The following VSTM5 variants were observed in gnomAD, a reference collection of about 807,000 sequenced individuals.
The protein encoded by VSTM5 is V-set and transmembrane domain-containing protein 5.
In VSTM5, 21 loss-of-function variants were observed where a neutral mutation model predicts 20.3. That is an observed-to-expected ratio of 1.03 (90% CI 0.73 to 1.49). The LOEUF is 1.49. VSTM5 is among the 40% of genes most tolerant of loss of function. The pLI is 0.00. For synonymous variants in VSTM5, 100 were observed against 102.5 expected, an observed-to-expected ratio of 0.98 and a Z score of 0.14; for missense variants, 219 against 250.0, an observed-to-expected ratio of 0.88 and a Z score of 0.84.
rs962395541 is a variant in VSTM5, at chr11:93,820,766, C to T, written c.536G>A (p.Arg179Lys). The change falls in exon 3 of 4, where the codon AGG (arginine) becomes AAG (lysine). Residue 179 changes from arginine (R) to lysine (K), a missense_variant. Arg to Lys is a conservative substitution (Grantham distance 26). Transcript: ENST00000409977. ...ACCTTTGAGTTTGTGTCTTCTCTTCCTCTGAAATTTATATGCACACTTATT... is the reference window on the plus strand; with the variant it reads ...ACCTTTGAGTTTGTGTCTTCTCTTCTTCTGAAATTTATATGCACACTTATT... ...VCNKCAYKFQ[R>K]KRRHKLKEST... 1 of 1,551,680 alleles carries T rather than the reference C, an allele frequency of 6.4e-7. No individual in the cohort carries two copies.
chr11:93,833,440 A>G (rs61906576), intron 1 of VSTM5, among the ~76,000 whole-genome samples: 24,987 of 152,136 alleles, frequency 0.16, 2,417 homozygotes, highest in African/African-American at 0.27. Context: ...TTAGCTGGGC[A>G]TGGTGGCATG....
At position 93,820,603 on chromosome 11, in the gene VSTM5, G is replaced by A. The variant is rs778598121; in HGVS notation, c.569C>T (p.Thr190Ile). ...KRRHKLKEST[T>I]EEIELEDVEC ...AACATCTTCCAGCTCAATCTCCTCA[G>A]TTGTGCTTTCTGTAAAGCAAAGACA... is the stretch of plus-strand genomic sequence containing the variant. The change falls in exon 4 of 4, where the codon ACT becomes ATT. Residue 190 changes from threonine (T) to isoleucine (I), a missense_variant. Transcript: ENST00000409977. 1.3e-6 allele frequency: 2 copies of A among 1,551,872 alleles called. No individual in the cohort carries two copies. Among genetic ancestry groups the A allele is most frequent in the South Asian group, 2.4e-5 (2 of 84,060 alleles).
At chr11:93,846,914 C>T (rs1944416627) in intron 1 of VSTM5, among the ~76,000 whole-genome samples, 1 of 151,826 alleles carries the variant, frequency 6.6e-6, no homozygotes, top group East Asian at 1.9e-4. Context: ...CTACAGGCGC[C>T]TGCCACCACG....
chr11:93,822,120 CG>C (rs1944192118), intron 1 of VSTM5: 1 of 152,124 alleles, frequency 6.6e-6, no homozygotes, highest in South Asian at 2.1e-4. Context: ...CTCGCTCTGT[CG>C]CCCAGGCTGG....
In VSTM5 at chr11:93,820,615, G is replaced by A. The variant is rs1944172822; in HGVS notation, c.560-3C>T. On this transcript the variant is annotated splice_region_variant and splice_polypyrimidine_tract_variant and intron_variant, in intron 3 of 3. Coordinates refer to ENST00000409977, the MANE Select transcript of VSTM5 (RefSeq NM_001144871.2). ...CTCAATCTCCTCAGTTGTGCTTTCT[G>A]TAAAGCAAAGACAAGTCAATGAGTT... 1 of 1,551,700 alleles carries A rather than the reference G, an allele frequency of 6.4e-7. No homozygotes were observed. Among genetic ancestry groups the A allele is most frequent in the Admixed American group, 2.0e-5 (1 of 50,988 alleles).
Position 93,820,796 on chromosome 11 carries a change from AC to A in VSTM5, c.505del (p.Val169PhefsTer38). 1 of 1,551,414 alleles carries A rather than the reference AC, an allele frequency of 6.4e-7. No homozygotes were observed. The highest frequency in any genetic ancestry group is 8.7e-7 in the Non-Finnish European group (1 of 1,146,984). ...AAATTTATATGCACACTTATTACAA[AC>A]CCACATGAGGCTGATTAATACTGCG... Reference protein sequence around the residue: ...VAAVLISLMWVCNKCAYKFQR... With the variant: ...VAAVLISLMWXCNKCAYKFQR... On this transcript the variant is annotated frameshift_variant, in exon 3 of 4. Transcript: ENST00000409977. LOFTEE classifies it high-confidence loss of function.
intron 1 of VSTM5, among the ~76,000 whole-genome samples, chr11:93,822,433 A>G (rs1450161508): frequency 6.7e-6 from 1 of 150,146 alleles, no homozygotes; most frequent in Non-Finnish European, 1.5e-5. Context: ...ATAACGGAAG[A>G]GGAGGGATTT....
chr11:93,850,422 G>C lies in VSTM5; in HGVS notation c.81C>G (p.Arg27=), dbSNP rs1944449676. The C allele has an allele frequency of 1.3e-6, 2 of 1,548,656 alleles. No homozygotes were observed. Among genetic ancestry groups the C allele is most frequent in the Non-Finnish European group, 1.7e-6 (2 of 1,145,966 alleles). ...GLFALCLAAA[R]CLQSQGVSLY... is the part of the protein sequence containing the mutation. Reference sequence around the variant, plus strand: ...TCCCCCGGAGCTTACTCTGCAGACAGCGGGCTGCGGCCAGGCAGAGGGCGA... The same window carrying C: ...TCCCCCGGAGCTTACTCTGCAGACACCGGGCTGCGGCCAGGCAGAGGGCGA... Residue 27 remains arginine, a synonymous_variant, in exon 1 of 4, where the codon CGC becomes CGG. Coordinates refer to ENST00000409977, the MANE Select transcript of VSTM5 (RefSeq NM_001144871.2).
rs1213439004 is a variant in VSTM5, at chr11:93,821,323, C to A, written c.92G>T (p.Ser31Ile). The A allele has an allele frequency of 7.1e-6, 11 of 1,548,882 alleles. No individual in the cohort carries two copies. The Admixed American group carries it at 7.9e-5, about 11-fold the overall frequency. ...LCLAAARCLQ[S>I]QGVSLYIPQA... is the part of the protein sequence containing the mutation. Reference sequence around the variant, plus strand: ...AGGAATGTATAGGGACACACCCTGACCTGCAGGATGATATGCTGGATGTTG... The same window carrying A: ...AGGAATGTATAGGGACACACCCTGAACTGCAGGATGATATGCTGGATGTTG... The change falls in exon 2 of 4, where the codon AGT becomes ATT. Residue 31 changes from serine to isoleucine, a missense_variant and splice_region_variant. By Grantham distance (142) the Ser-to-Ile change is moderately radical. Transcript: ENST00000409977.
chr11:93,831,995 G>A (rs1944287119), intron 1 of VSTM5, among the ~76,000 whole-genome samples: 1 of 152,174 alleles, frequency 6.6e-6, no homozygotes, highest in Non-Finnish European at 1.5e-5. Context: ...GATGCAATCT[G>A]TAAAAATATT....
intron 1 of VSTM5, among the ~76,000 whole-genome samples, chr11:93,826,615 G>A (rs1237890834): frequency 1.3e-5 from 2 of 151,906 alleles, no homozygotes; most frequent in East Asian, 3.9e-4. Flanking sequence ...TAGCCAGGAT[G>A]GTCTCGATCT....
At chr11:93,832,551 A>G (rs201005334) in intron 1 of VSTM5, among the ~76,000 whole-genome samples, 5 of 9,512 alleles carry the variant, frequency 5.3e-4, no homozygotes, top group South Asian at 8.6e-3. Context: ...TACTTAAAAA[A>G]TAATACACTG....
At chr11:93,822,734 C>A (rs1944199276) in intron 1 of VSTM5, among the ~76,000 whole-genome samples, 1 of 151,758 alleles carries the variant, frequency 6.6e-6, no homozygotes, top group South Asian at 2.1e-4. Context: ...AATTGATCTG[C>A]CTTCTCGGCC....
chr11:93,819,262 T>C lies in VSTM5; in HGVS notation c.*1307A>G, dbSNP rs190860584. On this transcript the variant is annotated 3_prime_UTR_variant, in exon 4 of 4. Coordinates refer to ENST00000409977, the MANE Select transcript of VSTM5 (RefSeq NM_001144871.2). The stretch of plus-strand genomic sequence containing the variant: ...TCATCATCGGATGGTACCTTTGGTC[T>C]GTAGCTATGAATATTGGAGAGATAA... The C allele has an allele frequency of 2.5e-4, 38 of 152,374 alleles. No individual in the cohort carries two copies. Among genetic ancestry groups the C allele is most frequent in the African/African-American group, 9.1e-4 (38 of 41,580 alleles). The allele number at this position is 152,374 out of a possible 1,614,324, so 9.4% of individuals were successfully genotyped here.
At chr11:93,824,391 T>C (rs564969847) in intron 1 of VSTM5, among the ~76,000 whole-genome samples, 1 of 152,344 alleles carries the variant, frequency 6.6e-6, no homozygotes, top group African/African-American at 2.4e-5. Context: ...CATTGTGGTT[T>C]TGATTTGCAC....
chr11:93,834,019 G>A (rs553497933), intron 1 of VSTM5, among the ~76,000 whole-genome samples: 1 of 152,104 alleles, frequency 6.6e-6, no homozygotes, highest in South Asian at 2.1e-4. Flanking sequence ...TTGCCCATCA[G>A]GATCCAAGGA....
chr11:93,834,438 C>G (rs1036524523), intron 1 of VSTM5, among the ~76,000 whole-genome samples: 1 of 152,248 alleles, frequency 6.6e-6, no homozygotes, highest in Non-Finnish European at 1.5e-5. Context: ...GGCTCATCCT[C>G]TTTGCTGTGG....
chr11:93,842,235 G>A (rs1367240841), intron 1 of VSTM5, among the ~76,000 whole-genome samples: 1 of 152,226 alleles, frequency 6.6e-6, no homozygotes, highest in African/African-American at 2.4e-5. Flanking sequence ...AGAAGCTGGA[G>A]TTGTACCAGG....
chr11:93,835,542 C>A (rs914734485), intron 1 of VSTM5, among the ~76,000 whole-genome samples: 1 of 152,158 alleles, frequency 6.6e-6, no homozygotes, highest in Non-Finnish European at 1.5e-5. Context: ...TCACAGAATT[C>A]CTTGAGCTTG....
Sources: gnomAD v4.1 joint callset for allele counts (sites outside exome capture counted in the v4.1 genomes callset) on GRCh38, gnomAD v4.1.1 for gene constraint, MANE v1.5 for transcripts, NCBI Gene and HGNC (gene_info 2026-07-23, HGNC 2026-07-21) for gene names.